TMEM87A: variants seen among roughly 807,000 people sequenced by gnomAD.
The protein encoded by TMEM87A is Golgi-pH regulating cation channel.
In TMEM87A, 50 loss-of-function variants were observed where a neutral mutation model predicts 90.0. That is an observed-to-expected ratio of 0.56 (90% CI 0.44 to 0.70). The LOEUF (loss-of-function observed/expected upper bound fraction) is 0.70, where lower values mean the gene tolerates loss of function less well. TMEM87A is among the 30% of genes least tolerant of loss of function. TMEM87A has a pLI of 0.00. For synonymous variants in TMEM87A, 226 were observed against 226.7 expected (o/e 1.00, Z 0.03); for missense variants, 577 against 660.5 (o/e 0.87, Z 1.39).
At chr15:42,230,637 A>T (rs2050670976) in intron 12 of TMEM87A, among the ~76,000 whole-genome samples, 1 of 152,212 alleles carries the variant, frequency 6.6e-6, no homozygotes, top group Non-Finnish European at 1.5e-5. Flanking sequence ...TCAATTATTT[A>T]TTCTGAAGGG....
At chr15:42,259,340 G>A (rs963781029) in intron 6 of TMEM87A, among the ~76,000 whole-genome samples, 1 of 152,076 alleles carries the variant, frequency 6.6e-6, no homozygotes, top group Non-Finnish European at 1.5e-5. Context: ...CCAGGCTGGT[G>A]TCAAACTCCT....
chr15:42,213,419 G>A (rs1376803957), intron 19 of TMEM87A, among the ~76,000 whole-genome samples: 1 of 152,222 alleles, frequency 6.6e-6, no homozygotes, highest in African/African-American at 2.4e-5. Context: ...TTTTCCCTAG[G>A]GAGGAGAGAT....
intron 3 of TMEM87A, among the ~76,000 whole-genome samples, chr15:42,264,700 T>TATATATATATATATA (rs35725330): frequency 5.8e-4 from 3 of 5,152 alleles, no homozygotes; most frequent in African/African-American, 8.2e-4. Context: ...TATATATATA[T>TATATATATATATATA]TTTTTTTTTA....
chr15:42,221,271 C>CAGAG (rs1208211599), intron 15 of TMEM87A, among the ~76,000 whole-genome samples: 9 of 111,826 alleles, frequency 8.0e-5, no homozygotes, highest in South Asian at 3.1e-4. Context: ...GAGACAGAGA[C>CAGAG]AGAGAGAGAG....
chr15:42,258,200 C>T (rs774498728), intron 6 of TMEM87A: 980 of 962,642 alleles, frequency 1.0e-3, no homozygotes, highest in Non-Finnish European at 1.2e-3. Context: ...ACCAAACTGA[C>T]GACATGTCCA....
intron 2 of TMEM87A, among the ~76,000 whole-genome samples, chr15:42,269,567 T>C (rs1185422069): frequency 1.3e-5 from 2 of 152,084 alleles, no homozygotes; most frequent in Non-Finnish European, 2.9e-5. Flanking sequence ...ACAGGAGACT[T>C]GTAAGGAAAT....
intron 15 of TMEM87A, among the ~76,000 whole-genome samples, chr15:42,220,520 A>G (rs1230170981): frequency 6.6e-6 from 1 of 152,250 alleles, no homozygotes; most frequent in Non-Finnish European, 1.5e-5. Context: ...GACAGTCAAC[A>G]AATGTTCATT....
At chr15:42,231,334 C>A (rs1464943621) in intron 11 of TMEM87A, 74 bp from the exon 12 acceptor site, 12 of 1,247,398 alleles carry the variant, frequency 9.6e-6, no homozygotes, top group Non-Finnish European at 1.3e-5. Context: ...CCACATGATT[C>A]TGCATTTACA....
chr15:42,229,154 C>T (rs1276821097), intron 12 of TMEM87A, among the ~76,000 whole-genome samples: 1 of 152,036 alleles, frequency 6.6e-6, no homozygotes, highest in East Asian at 1.9e-4. Flanking sequence ...AGGCATGTGC[C>T]ACCATGCCTG....
chr15:42,245,478 T>A (rs891644567), intron 6 of TMEM87A, among the ~76,000 whole-genome samples: 1 of 152,076 alleles, frequency 6.6e-6, no homozygotes, highest in African/African-American at 2.4e-5. Context: ...AAAAATAACA[T>A]TTATATGCCA....
chr15:42,222,247 G>A (rs937481436), intron 15 of TMEM87A, among the ~76,000 whole-genome samples: 3 of 152,058 alleles, frequency 2.0e-5, no homozygotes, highest in South Asian at 2.1e-4. Context: ...TAGTAGAGAC[G>A]GGGTTTTTCT....
intron 15 of TMEM87A, among the ~76,000 whole-genome samples, chr15:42,225,739 C>A (rs769147229): frequency 6.6e-6 from 1 of 152,082 alleles, no homozygotes; most frequent in Non-Finnish European, 1.5e-5. Context: ...GCCATGTTGG[C>A]CGAAACCATG....
intron 2 of TMEM87A, among the ~76,000 whole-genome samples, chr15:42,269,329 A>T (rs7161982): frequency 1.3e-5 from 2 of 152,182 alleles, no homozygotes; most frequent in African/African-American, 2.4e-5. Context: ...TAACAAAAGA[A>T]GCAACCTAAT....
At chr15:42,235,589 G>A (rs1034642567) in intron 10 of TMEM87A, among the ~76,000 whole-genome samples, 1 of 152,108 alleles carries the variant, frequency 6.6e-6, no homozygotes, top group Non-Finnish European at 1.5e-5. Flanking sequence ...TGATCCATCA[G>A]CAAATTCCAC....
intron 6 of TMEM87A, chr15:42,258,367 A>G (rs1443624210): frequency 1.4e-5 from 9 of 654,624 alleles, no homozygotes; most frequent in Admixed American, 1.3e-4. Flanking sequence ...TCATTTATGT[A>G]TATCGTCTCC....
chr15:42,256,600 C>T (rs1300336033), intron 6 of TMEM87A, among the ~76,000 whole-genome samples: 1 of 152,204 alleles, frequency 6.6e-6, no homozygotes, highest in Non-Finnish European at 1.5e-5. Flanking sequence ...CAGTTTTAAT[C>T]ACTGTAACAA....
chr15:42,221,012 C>T (rs922532262), intron 15 of TMEM87A, among the ~76,000 whole-genome samples: 1 of 152,046 alleles, frequency 6.6e-6, no homozygotes, highest in African/African-American at 2.4e-5. Flanking sequence ...TGGAGGTGCA[C>T]GCCTGTAATT....
intron 11 of TMEM87A, 114 bp downstream of exon 11, chr15:42,233,099 A>C: frequency 1.2e-6 from 1 of 821,604 alleles, no homozygotes; most frequent in Non-Finnish European, 1.9e-6. Context: ...ATCAGAGCCC[A>C]AAAGTGACTT....
At chr15:42,252,590 T>C (rs1288897352) in intron 6 of TMEM87A, among the ~76,000 whole-genome samples, 4 of 152,138 alleles carry the variant, frequency 2.6e-5, no homozygotes, top group African/African-American at 7.2e-5. Flanking sequence ...CTCTGATGAA[T>C]TCCTATTATG....
Sources: gnomAD v4.1 joint callset for allele counts (sites outside exome capture counted in the v4.1 genomes callset) on GRCh38, gnomAD v4.1.1 for gene constraint, MANE v1.5 for transcripts, NCBI Gene and HGNC (gene_info 2026-07-23, HGNC 2026-07-21) for gene names.